BANK1: variants seen among roughly 807,000 people sequenced by gnomAD.
BANK1 encodes B-cell scaffold protein with ankyrin repeats.
In BANK1, 95 loss-of-function variants were observed where a neutral mutation model predicts 94.5. The ratio of observed to expected loss-of-function variants is 1.00; its 90% CI spans 0.85 to 1.19. The LOEUF (loss-of-function observed/expected upper bound fraction) is 1.19. Ranked by LOEUF, BANK1 falls within the 50% of genes most tolerant of loss-of-function variation. The pLI is 0.00. For synonymous variants in BANK1, 334 were observed against 308.4 expected, an observed-to-expected ratio of 1.08 and a Z score of -0.87; for missense variants, 987 against 932.2, an observed-to-expected ratio of 1.06 and a Z score of -0.77.
At chr4:101,961,703 T>C (rs1239166136) in intron 7 of BANK1, among the ~76,000 whole-genome samples, 1 of 152,156 alleles carries the variant, frequency 6.6e-6, no homozygotes, top group Non-Finnish European at 1.5e-5. Flanking sequence ...AGGTTTCAAA[T>C]AGATTAGAGA....
At position 102,000,499 on chromosome 4, in the gene BANK1, A is replaced by C. The variant is rs959421422; in HGVS notation, c.1207-21015A>C. 3.9e-5 allele frequency among the ~76,000 whole-genome samples: 6 copies of C among 152,138 alleles called. No homozygotes were observed. In the South Asian group the frequency reaches 8.3e-4, roughly 21 times the overall value. On this transcript the variant is annotated intron_variant, in intron 7 of 16. Coordinates refer to ENST00000322953, the MANE Select transcript of BANK1 (RefSeq NM_017935.5). ...TTATCCTGTTGAAGATACTGAGGAA[A>C]ATGGAAAGATCTTCAGTAAGAGGGT...
chr4:102,029,562 ATT>A (rs1727215635), intron 9 of BANK1, among the ~76,000 whole-genome samples: 1 of 148,142 alleles, frequency 6.8e-6, no homozygotes, highest in Non-Finnish European at 1.5e-5. Flanking sequence ...AATACATATA[ATT>A]ATATTTTATA....
intron 7 of BANK1, among the ~76,000 whole-genome samples, chr4:101,944,408 CCT>C (rs933084368): frequency 2.2e-4 from 34 of 151,984 alleles, no homozygotes; most frequent in Admixed American, 8.5e-4. Flanking sequence ...GATGTTCACC[CCT>C]GTTTCCTAAA....
chr4:101,967,458 TAAAAG>T (rs1560657501), intron 7 of BANK1, among the ~76,000 whole-genome samples: 2 of 151,850 alleles, frequency 1.3e-5, no homozygotes, highest in Non-Finnish European at 2.9e-5. Context: ...GAGCAGCACA[TAAAAG>T]AGAATAATAG....
At chr4:101,838,652 A>C (rs957052151) in intron 2 of BANK1, among the ~76,000 whole-genome samples, 1 of 152,210 alleles carries the variant, frequency 6.6e-6, no homozygotes, top group Non-Finnish European at 1.5e-5. Context: ...TCTGAAATCT[A>C]TGCCAAGACA....
chr4:101,908,353 A>G (rs1722538111), intron 6 of BANK1, among the ~76,000 whole-genome samples: 1 of 152,238 alleles, frequency 6.6e-6, no homozygotes, highest in Admixed American at 6.5e-5. Flanking sequence ...GGCCAGCCAT[A>G]TGTAGAAAGC....
At chr4:101,806,655 A>C (rs1725565400) in intron 1 of BANK1, among the ~76,000 whole-genome samples, 2 of 152,222 alleles carry the variant, frequency 1.3e-5, no homozygotes, top group Admixed American at 1.3e-4. Flanking sequence ...GCATAATAGT[A>C]ATGCAATTAA....
intron 10 of BANK1, among the ~76,000 whole-genome samples, chr4:102,043,527 G>A (rs1025848530): frequency 5.9e-5 from 9 of 151,824 alleles, no homozygotes; most frequent in African/African-American, 7.3e-5. Context: ...AACATTTATC[G>A]CTTTTAACAC....
At chr4:101,807,314 C>T (rs1342952414) in intron 1 of BANK1, among the ~76,000 whole-genome samples, 4 of 152,064 alleles carry the variant, frequency 2.6e-5, no homozygotes, top group East Asian at 1.9e-4. Context: ...TCACTACTGC[C>T]ATAAGTAGAA....
At chr4:102,040,164 G>A (rs1727656886) in intron 10 of BANK1, among the ~76,000 whole-genome samples, 2 of 152,056 alleles carry the variant, frequency 1.3e-5, no homozygotes, top group Non-Finnish European at 2.9e-5. Context: ...GGAAAGACAA[G>A]TAGTGCAAGT....
At chr4:102,060,795 T>C (rs1370727400) in intron 12 of BANK1, among the ~76,000 whole-genome samples, 2 of 152,212 alleles carry the variant, frequency 1.3e-5, no homozygotes, top group African/African-American at 4.8e-5. Flanking sequence ...ATGCAATAAG[T>C]ATTTATCTTC....
intron 6 of BANK1, among the ~76,000 whole-genome samples, chr4:101,898,077 A>G (rs1722153021): frequency 6.6e-6 from 1 of 152,008 alleles, no homozygotes; most frequent in African/African-American, 2.4e-5. Flanking sequence ...AACAGATGTC[A>G]TAAAACCTAT....
chr4:102,021,637 A>G (rs772964795), intron 8 of BANK1, 45 bp downstream of exon 8: 5 of 761,656 alleles, frequency 6.6e-6, no homozygotes, highest in Non-Finnish European at 9.6e-6. Flanking sequence ...ATTCATATAT[A>G]TATCACATAT....
intron 1 of BANK1, among the ~76,000 whole-genome samples, chr4:101,803,997 C>CAAAAAAAAAAAAAAAAAAAA (rs55704915): frequency 1.5e-5 from 1 of 68,408 alleles, no homozygotes; most frequent in African/African-American, 6.6e-5. Flanking sequence ...GACTCCGTCT[C>CAAAAAAAAAAAAAAAAAAAA]AAAAAAAAAA....
intron 1 of BANK1, among the ~76,000 whole-genome samples, chr4:101,807,829 C>G (rs1212664296): frequency 1.3e-5 from 2 of 151,982 alleles, no homozygotes; most frequent in East Asian, 3.9e-4. Flanking sequence ...GCCTGTAATC[C>G]CAGCAGTTTG....
chr4:102,055,278 CATG>C (rs1318970381), intron 11 of BANK1, among the ~76,000 whole-genome samples: 6 of 151,964 alleles, frequency 3.9e-5, no homozygotes, highest in Admixed American at 2.6e-4. Flanking sequence ...TTTTAAAAAA[CATG>C]ATGATTTCAG....
intron 7 of BANK1, among the ~76,000 whole-genome samples, chr4:102,000,630 A>G (rs921028099): frequency 1.3e-5 from 2 of 152,206 alleles, no homozygotes; most frequent in Admixed American, 6.5e-5. Flanking sequence ...AAAAGAAAAA[A>G]GGAAACTGAT....
At chr4:101,975,774 T>A (rs1725103255) in intron 7 of BANK1, among the ~76,000 whole-genome samples, 1 of 152,148 alleles carries the variant, frequency 6.6e-6, no homozygotes, top group Non-Finnish European at 1.5e-5. Flanking sequence ...TCCTTAGTAA[T>A]GAGCACAGAT....
intron 5 of BANK1, among the ~76,000 whole-genome samples, chr4:101,886,622 T>C (rs1258764307): frequency 1.3e-5 from 2 of 152,214 alleles, no homozygotes; most frequent in Non-Finnish European, 2.9e-5. Flanking sequence ...TCTTTTGATT[T>C]CTTTAATGCC....
Sources: gnomAD v4.1 joint callset for allele counts (sites outside exome capture counted in the v4.1 genomes callset) on GRCh38, gnomAD v4.1.1 for gene constraint, MANE v1.5 for transcripts, NCBI Gene and HGNC (gene_info 2026-07-23, HGNC 2026-07-21) for gene names.